C8orf34: variants seen among roughly 807,000 people sequenced by gnomAD.
C8orf34 encodes chromosome 8 open reading frame 34.
Under a neutral mutation model 68.3 loss-of-function variants are expected in C8orf34, and 65 were observed. That is an observed-to-expected ratio of 0.95 (90% CI 0.78 to 1.17). The LOEUF (loss-of-function observed/expected upper bound fraction) is 1.17, where lower values mean the gene tolerates loss of function less well. C8orf34 is among the 50% of genes most tolerant of loss of function. The pLI is 0.00. For missense variants in C8orf34, 664 were observed against 655.4 expected (o/e 1.01, Z -0.14); for synonymous variants, 244 against 241.2 (o/e 1.01, Z -0.11).
At chr8:68,718,496 A>G (rs1821540862) in intron 9 of C8orf34, among the ~76,000 whole-genome samples, 1 of 152,172 alleles carries the variant, frequency 6.6e-6, no homozygotes, top group Non-Finnish European at 1.5e-5. Flanking sequence ...TTATTAGTAT[A>G]CCTAATCTGC....
At chr8:68,662,107 T>C (rs1295519780) in intron 8 of C8orf34, among the ~76,000 whole-genome samples, 1 of 152,062 alleles carries the variant, frequency 6.6e-6, no homozygotes, top group African/African-American at 2.4e-5. Context: ...CAGACAGGAA[T>C]AGGGCTTGGG....
intron 3 of C8orf34, among the ~76,000 whole-genome samples, chr8:68,459,862 C>T (rs188522484): frequency 1.7e-3 from 264 of 152,262 alleles, no homozygotes; most frequent in African/African-American, 5.5e-3. Flanking sequence ...GTGTGAGTGA[C>T]GCAGAAGACA....
At chr8:68,506,713 CT>C (rs927717473) in intron 5 of C8orf34, among the ~76,000 whole-genome samples, 1 of 152,160 alleles carries the variant, frequency 6.6e-6, no homozygotes, top group African/African-American at 2.4e-5. Context: ...TTAACATTAA[CT>C]TGTGGTATTG....
intron 1 of C8orf34, chr8:68,331,565 C>T: frequency 1.7e-6 from 1 of 579,140 alleles, no homozygotes; most frequent in East Asian, 3.1e-5. Flanking sequence ...GACAGGTGAG[C>T]TCGGGAGGGC....
At chr8:68,559,249 C>T (rs1586372970) in intron 7 of C8orf34, among the ~76,000 whole-genome samples, 1 of 152,190 alleles carries the variant, frequency 6.6e-6, no homozygotes, top group South Asian at 2.1e-4. Context: ...ATGGAGGAGC[C>T]TAAAGTAATT....
intron 5 of C8orf34, among the ~76,000 whole-genome samples, chr8:68,516,074 G>T (rs1414468374): frequency 8.6e-5 from 13 of 151,998 alleles, no homozygotes; most frequent in Admixed American, 8.5e-4. Context: ...TGAAATAGCA[G>T]GATCAAAATA....
chr8:68,451,507 G>C (rs1811343660), intron 3 of C8orf34, among the ~76,000 whole-genome samples: 1 of 152,018 alleles, frequency 6.6e-6, no homozygotes, highest in Admixed American at 6.6e-5. Flanking sequence ...TGAACACTTA[G>C]AGGCCATTGT....
At chr8:68,699,194 C>T (rs532723009) in intron 8 of C8orf34, among the ~76,000 whole-genome samples, 11 of 151,866 alleles carry the variant, frequency 7.2e-5, no homozygotes, top group Admixed American at 2.6e-4. Flanking sequence ...CGAGAGTCCA[C>T]GGAGGCCTTA....
rs559147461 is a variant in C8orf34, at chr8:68,553,203, G to A, written c.1105+20054G>A. On this transcript the variant is annotated intron_variant, in intron 7 of 13. Transcript: ENST00000518698. ...GATCGAGACCGTCCTGGCTAACACC[G>A]TGAAATCCTGTCTCTACTAAAAATA... is the stretch of plus-strand genomic sequence containing the variant. Among the ~76,000 whole-genome samples, 55 of 151,796 alleles carry A rather than the reference G, an allele frequency of 3.6e-4. 1 individual carries two copies. Among genetic ancestry groups the A allele is most frequent in the Admixed American group, 2.1e-3 (32 of 15,216 alleles).
At chr8:68,537,677 T>A (rs1263116342) in intron 7 of C8orf34, among the ~76,000 whole-genome samples, 1 of 152,074 alleles carries the variant, frequency 6.6e-6, no homozygotes, top group Non-Finnish European at 1.5e-5. Context: ...GTTAAAAAGC[T>A]TTATTTAGGA....
intron 10 of C8orf34, among the ~76,000 whole-genome samples, chr8:68,729,711 G>A (rs534265816): frequency 2.6e-5 from 4 of 152,114 alleles, no homozygotes; most frequent in Non-Finnish European, 5.9e-5. Flanking sequence ...TATAATTCTT[G>A]TATAAAACAT....
chr8:68,541,428 T>A (rs1344959565), intron 7 of C8orf34, among the ~76,000 whole-genome samples: 1 of 151,824 alleles, frequency 6.6e-6, no homozygotes, highest in African/African-American at 2.4e-5. Context: ...ATGGCACCGC[T>A]GCACTCCAGC....
chr8:68,669,247 G>A (rs907107194), intron 8 of C8orf34, among the ~76,000 whole-genome samples: 1 of 152,058 alleles, frequency 6.6e-6, no homozygotes, highest in Non-Finnish European at 1.5e-5. Context: ...TGTTGATAAT[G>A]GGGGAGGCTG....
At chr8:68,633,691 T>C (rs1348473089) in intron 7 of C8orf34, among the ~76,000 whole-genome samples, 1 of 152,114 alleles carries the variant, frequency 6.6e-6, no homozygotes, top group African/African-American at 2.4e-5. Flanking sequence ...CCCATATCTA[T>C]GGCACTGGGC....
chr8:68,377,795 A>T (rs972939005), intron 1 of C8orf34, among the ~76,000 whole-genome samples: 17 of 152,318 alleles, frequency 1.1e-4, no homozygotes, highest in African/African-American at 4.1e-4. Context: ...TAATTAATAA[A>T]GGAAAAAGGT....
intron 7 of C8orf34, among the ~76,000 whole-genome samples, chr8:68,551,206 CT>C (rs1436904276): frequency 1.3e-5 from 2 of 151,486 alleles, no homozygotes; most frequent in African/African-American, 4.8e-5. Flanking sequence ...TTTTTTATTT[CT>C]TTTTTTCTCT....
chr8:68,581,061 C>T (rs1268959278), intron 7 of C8orf34, among the ~76,000 whole-genome samples: 1 of 152,084 alleles, frequency 6.6e-6, no homozygotes, highest in Non-Finnish European at 1.5e-5. Flanking sequence ...GAAAGGAAAA[C>T]TGACAGAGAC....
chr8:68,561,899 TG>T (rs1244291312), intron 7 of C8orf34, among the ~76,000 whole-genome samples: 2 of 152,150 alleles, frequency 1.3e-5, no homozygotes, highest in African/African-American at 2.4e-5. Flanking sequence ...CACTGGAAGG[TG>T]GGTACATGGA....
chr8:68,357,487 G>C (rs963052095), intron 1 of C8orf34, among the ~76,000 whole-genome samples: 1 of 152,124 alleles, frequency 6.6e-6, no homozygotes. Context: ...GGAACACAGA[G>C]ATCAACATTA....
Sources: allele counts gnomAD v4.1 joint callset (sites outside exome capture counted in the v4.1 genomes callset), GRCh38; gene constraint gnomAD v4.1.1; transcripts MANE v1.5; gene names NCBI Gene and HGNC (gene_info 2026-07-23, HGNC 2026-07-21).